The following SAMSN1 variants were observed in gnomAD, a reference collection of about 807,000 sequenced individuals.
The protein encoded by SAMSN1 is SAM domain, SH3 domain and nuclear localization signals 1, also known as SAM domain-containing protein SAMSN-1.
SAMSN1 carries 31 observed loss-of-function variants against 42.0 expected under a neutral mutation model. The ratio of observed to expected loss-of-function variants is 0.74; its 90% CI spans 0.55 to 1.00. SAMSN1 has a LOEUF of 1.00. SAMSN1 is among the 50% of genes least tolerant of loss of function. The pLI is 0.00. For missense variants in SAMSN1, 464 were observed against 439.4 expected, an observed-to-expected ratio of 1.06 and a Z score of -0.50; for synonymous variants, 178 against 151.9, an observed-to-expected ratio of 1.17 and a Z score of -1.26.
Position 14,500,607 on chromosome 21 carries a change from C to G in SAMSN1, c.690G>C (p.Lys230Asn), listed in dbSNP as rs753963818. 1.2e-6 allele frequency: 2 copies of G among 1,613,988 alleles called. No individual in the cohort carries two copies. Among genetic ancestry groups the G allele is most frequent in the African/African-American group, 1.3e-5 (1 of 74,902 alleles). The change falls in exon 6 of 8, where the codon AAG (lysine) becomes AAC (asparagine). Residue 230 changes from lysine to asparagine, a missense_variant. Transcript: ENST00000400566. ...TACTCCTTCGGTTTGCCTTTATTTTCTTGGGGGCTGCTTCCTCTTCTGAGA... is the reference window on the plus strand; with the variant it reads ...TACTCCTTCGGTTTGCCTTTATTTTGTTGGGGGCTGCTTCCTCTTCTGAGA... The part of the protein sequence containing the change: ...DVISEEEAAP[K>N]KIKANRRSNS...
intron 2 of SAMSN1, among the ~76,000 whole-genome samples, chr21:14,555,925 C>T (rs1034443468): frequency 1.3e-5 from 2 of 152,088 alleles, no homozygotes; most frequent in Non-Finnish European, 2.9e-5. Flanking sequence ...TAGTACACCT[C>T]GTGTATAATA....
chr21:14,523,364 C>T (rs2822723), intron 1 of SAMSN1: 42,642 of 150,130 alleles, frequency 0.28, 6,722 homozygotes, highest in Non-Finnish European at 0.35. Flanking sequence ...CTTTTGCTGA[C>T]TTGCCACCCC....
intron 1 of SAMSN1, among the ~76,000 whole-genome samples, chr21:14,536,707 C>G (rs1980953): frequency 0.66 from 100,551 of 152,024 alleles, 35,281 homozygotes; most frequent in African/African-American, 0.91. Context: ...GAAGCCTTTG[C>G]AAAGTGAGAC....
chr21:14,585,989 G>A (rs1461521021), upstream of SAMSN1, among the ~76,000 whole-genome samples: 1 of 151,892 alleles, frequency 6.6e-6, no homozygotes, highest in Non-Finnish European at 1.5e-5. Flanking sequence ...ATACAGCCAG[G>A]TGCAGCAGCT....
At chr21:14,592,639 C>A in intron 7 of SAMSN1, 1 of 381,430 alleles carries the variant, frequency 2.6e-6, no homozygotes, top group Non-Finnish European at 5.6e-6. Flanking sequence ...AATTCTTGAG[C>A]CTTAGAAAAA....
intron 5 of SAMSN1, among the ~76,000 whole-genome samples, chr21:14,510,095 C>T (rs920876148): frequency 2.7e-5 from 4 of 150,726 alleles, no homozygotes; most frequent in African/African-American, 7.4e-5. Context: ...GTGGAGATTG[C>T]GCCACTGCAC....
At chr21:14,650,417 A>G (rs190516960) in intron 1 of SAMSN1, among the ~76,000 whole-genome samples, 17 of 152,302 alleles carry the variant, frequency 1.1e-4, no homozygotes, top group Non-Finnish European at 5.9e-5. Context: ...AAATTAAACA[A>G]TATGCTCCTG....
chr21:14,622,682 T>C lies in SAMSN1; in HGVS notation c.157-6666A>G, dbSNP rs190603685. Among the ~76,000 whole-genome samples the C allele has an allele frequency of 5.8e-3, 889 of 152,246 alleles. 2 individuals carry two copies. The highest frequency in any genetic ancestry group is 0.012 in the Admixed American group (187 of 15,306). On this transcript the variant is annotated intron_variant, in intron 2 of 15. Coordinates refer to the SAMSN1 transcript ENST00000647101. Reference sequence around the variant, plus strand: ...AAGTGACGGGGAGAATGGAACCAAGTTGGAAAACACTCTGCAGGATATTAT... The same window carrying C: ...AAGTGACGGGGAGAATGGAACCAAGCTGGAAAACACTCTGCAGGATATTAT...
chr21:14,622,378 AGATTAGAC>A (rs1033252237), intron 2 of SAMSN1, among the ~76,000 whole-genome samples: 132 of 152,364 alleles, frequency 8.7e-4, no homozygotes, highest in African/African-American at 2.9e-3. Flanking sequence ...GCTTGGGAAA[AGATTAGAC>A]GAATGGCTAA....
At chr21:14,654,565 A>G (rs1300483262) in intron 1 of SAMSN1, among the ~76,000 whole-genome samples, 2 of 151,996 alleles carry the variant, frequency 1.3e-5, no homozygotes, top group Non-Finnish European at 2.9e-5. Flanking sequence ...TATGGTAGCA[A>G]CCACTGCTAT....
intron 2 of SAMSN1, among the ~76,000 whole-genome samples, chr21:14,633,409 T>C (rs1600975903): frequency 6.6e-6 from 1 of 152,196 alleles, no homozygotes; most frequent in South Asian, 2.1e-4. Flanking sequence ...TAGTGCAGCA[T>C]GGGGCCTTAA....
At chr21:14,578,813 T>A (rs1981597070) in intron 2 of SAMSN1, among the ~76,000 whole-genome samples, 1 of 150,006 alleles carries the variant, frequency 6.7e-6, no homozygotes, top group Non-Finnish European at 1.5e-5. Context: ...CCCAGCTCCA[T>A]CATATCTGCA....
At chr21:14,605,967 T>G (rs959452115) in intron 5 of SAMSN1, among the ~76,000 whole-genome samples, 21 of 151,848 alleles carry the variant, frequency 1.4e-4, no homozygotes, top group South Asian at 4.2e-4. Context: ...TCAGCCTCCC[T>G]AGTAGCTGGG....
chr21:14,538,322 G>A (rs751174227), intron 1 of SAMSN1, among the ~76,000 whole-genome samples: 5 of 152,082 alleles, frequency 3.3e-5, no homozygotes, highest in Non-Finnish European at 7.3e-5. Context: ...AGAAGTAATA[G>A]AGAGTAGGAG....
intron 1 of SAMSN1, among the ~76,000 whole-genome samples, chr21:14,656,220 A>C (rs1983913743): frequency 6.6e-6 from 1 of 151,842 alleles, no homozygotes; most frequent in South Asian, 2.1e-4. Context: ...ACCTAAGTTT[A>C]TATAGAAAAA....
At chr21:14,510,091 ATTGCGCCAC>A (rs1356965224) in intron 5 of SAMSN1, among the ~76,000 whole-genome samples, 1 of 151,616 alleles carries the variant, frequency 6.6e-6, no homozygotes, top group Non-Finnish European at 1.5e-5. Flanking sequence ...GTGAGTGGAG[ATTGCGCCAC>A]TGCACTCCAG....
At chr21:14,502,256 G>GGTGGGT (rs113456978) in intron 5 of SAMSN1, among the ~76,000 whole-genome samples, 2,185 of 151,700 alleles carry the variant, frequency 0.014, 51 homozygotes, top group African/African-American at 0.051. Context: ...GATCTGTTAG[G>GGTGGGT]CTTTCTGCCT....
chr21:14,530,764 T>A (rs117859946), intron 1 of SAMSN1, among the ~76,000 whole-genome samples: 2,807 of 152,240 alleles, frequency 0.018, 49 homozygotes, highest in Middle Eastern at 0.048. Flanking sequence ...ATAGTGGGTG[T>A]TTAGGGGAAG....
At chr21:14,583,956 A>G (rs1981839748), upstream of SAMSN1, among the ~76,000 whole-genome samples, 1 of 151,908 alleles carries the variant, frequency 6.6e-6, no homozygotes, top group African/African-American at 2.4e-5. Flanking sequence ...ATTATAAAAT[A>G]TGTTACAACT....
Sources: gnomAD v4.1 joint callset for allele counts (sites outside exome capture counted in the v4.1 genomes callset) on GRCh38, gnomAD v4.1.1 for gene constraint, MANE v1.5 for transcripts, NCBI Gene and HGNC (gene_info 2026-07-23, HGNC 2026-07-21) for gene names.